WWOX: variants seen among roughly 807,000 people sequenced by gnomAD.
WWOX encodes WW domain containing oxidoreductase, also known as WW domain-containing oxidoreductase.
In WWOX, 69 loss-of-function variants were observed where a neutral mutation model predicts 46.2. That is an observed-to-expected ratio of 1.49 (90% confidence interval 1.23 to 1.82). The LOEUF (loss-of-function observed/expected upper bound fraction) is 1.82. Ranked by LOEUF, WWOX falls within the 40% of genes most tolerant of loss-of-function variation. The pLI, the probability that WWOX is intolerant of heterozygous loss-of-function variation, is 0.00. For synonymous variants in WWOX, 359 were observed against 202.6 expected, an observed-to-expected ratio of 1.77 and a Z score of -6.56; for missense variants, 919 against 542.6, an observed-to-expected ratio of 1.69 and a Z score of -6.89.
At chr16:78,556,721 A>G (rs2151551238) in intron 8 of WWOX, among the ~76,000 whole-genome samples, 1 of 151,870 alleles carries the variant, frequency 6.6e-6, no homozygotes, top group African/African-American at 2.4e-5. Context: ...TATTTATTTT[A>G]TTTTTATTTT....
At chr16:79,210,739 T>C (rs2051704178) in intron 8 of WWOX, among the ~76,000 whole-genome samples, 1 of 152,158 alleles carries the variant, frequency 6.6e-6, no homozygotes, top group Non-Finnish European at 1.5e-5. Flanking sequence ...GCAAAGTGAT[T>C]TCTTGCCCTC....
chr16:78,610,977 AAACAAC>A (rs879868890), intron 8 of WWOX, among the ~76,000 whole-genome samples: 3 of 152,142 alleles, frequency 2.0e-5, no homozygotes, highest in African/African-American at 7.2e-5. Context: ...AAAACAACAA[AAACAAC>A]AACAACAACA....
At chr16:78,995,503 C>G (rs1471265008) in intron 8 of WWOX, among the ~76,000 whole-genome samples, 1 of 151,824 alleles carries the variant, frequency 6.6e-6, no homozygotes, top group Non-Finnish European at 1.5e-5. Flanking sequence ...TTATGGAACC[C>G]AAGCTGGAAC....
intron 8 of WWOX, among the ~76,000 whole-genome samples, chr16:78,585,634 C>T (rs76097573): frequency 0.018 from 2,724 of 152,040 alleles, 80 homozygotes; most frequent in African/African-American, 0.061. Flanking sequence ...CAGCACAATC[C>T]GTTTGTTGTT....
At chr16:79,197,564 T>C (rs139146264) in intron 8 of WWOX, among the ~76,000 whole-genome samples, 168 of 152,262 alleles carry the variant, frequency 1.1e-3, no homozygotes, top group African/African-American at 4.0e-3. Flanking sequence ...AAGCAATTCA[T>C]GGGAAAGTAA....
At chr16:79,034,360 A>C (rs940971567) in intron 8 of WWOX, among the ~76,000 whole-genome samples, 3 of 152,230 alleles carry the variant, frequency 2.0e-5, no homozygotes, top group African/African-American at 7.2e-5. Context: ...ATAGGATTAC[A>C]TAAATAATGA....
At chr16:78,737,842 T>G (rs1298163768) in intron 8 of WWOX, among the ~76,000 whole-genome samples, 1 of 152,050 alleles carries the variant, frequency 6.6e-6, no homozygotes, top group East Asian at 1.9e-4. Flanking sequence ...GTGTCCTGGG[T>G]GGTTTGTCCT....
intron 8 of WWOX, among the ~76,000 whole-genome samples, chr16:78,440,305 C>G (rs1265612088): frequency 1.3e-5 from 2 of 152,194 alleles, no homozygotes; most frequent in Non-Finnish European, 2.9e-5. Flanking sequence ...CAAGCCACTT[C>G]TGGCTCCATG....
chr16:78,509,221 C>T (rs2085295658), intron 8 of WWOX, among the ~76,000 whole-genome samples: 1 of 152,124 alleles, frequency 6.6e-6, no homozygotes, highest in Non-Finnish European at 1.5e-5. Flanking sequence ...GGCAGATCAC[C>T]TGAGGTCAGA....
At chr16:78,829,829 T>C (rs1431170674) in intron 8 of WWOX, among the ~76,000 whole-genome samples, 3 of 152,208 alleles carry the variant, frequency 2.0e-5, no homozygotes, top group African/African-American at 7.2e-5. Flanking sequence ...TCCTCCCTCC[T>C]GCTAGCATTT....
intron 8 of WWOX, among the ~76,000 whole-genome samples, chr16:78,928,175 TGG>T (rs1567655306): frequency 6.6e-6 from 1 of 151,886 alleles, no homozygotes; most frequent in Non-Finnish European, 1.5e-5. Flanking sequence ...ATAAAGTGTT[TGG>T]AACTATGCTT....
intron 8 of WWOX, among the ~76,000 whole-genome samples, chr16:78,834,111 G>C (rs1039290378): frequency 6.6e-6 from 1 of 152,224 alleles, no homozygotes; most frequent in African/African-American, 2.4e-5. Flanking sequence ...GAACTGAGCA[G>C]TATGGAGCCT....
intron 8 of WWOX, among the ~76,000 whole-genome samples, chr16:79,026,300 T>C (rs2047640573): frequency 6.6e-6 from 1 of 151,698 alleles, no homozygotes; most frequent in Non-Finnish European, 1.5e-5. Flanking sequence ...CCACAGGGCC[T>C]TTGCACATCC....
intron 8 of WWOX, among the ~76,000 whole-genome samples, chr16:79,119,000 G>T (rs2049574012): frequency 6.6e-6 from 1 of 152,160 alleles, no homozygotes; most frequent in Admixed American, 6.5e-5. Flanking sequence ...GCATAAAGCA[G>T]TTTCTATAGT....
chr16:78,974,215 G>C (rs906957625), intron 8 of WWOX, among the ~76,000 whole-genome samples: 1 of 152,236 alleles, frequency 6.6e-6, no homozygotes, highest in Non-Finnish European at 1.5e-5. Flanking sequence ...GTACTCTTCA[G>C]AGAACGGATT....
intron 8 of WWOX, among the ~76,000 whole-genome samples, chr16:78,855,038 C>G (rs983273566): frequency 6.6e-6 from 1 of 151,538 alleles, no homozygotes; most frequent in Admixed American, 6.6e-5. Context: ...ATAAATAAGT[C>G]AGGACTATGA....
At chr16:78,111,603 C>T (rs566176021) in intron 3 of WWOX, among the ~76,000 whole-genome samples, 1 of 152,144 alleles carries the variant, frequency 6.6e-6, no homozygotes, top group East Asian at 1.9e-4. Flanking sequence ...AGGGAACACT[C>T]TGCTCCACCA....
In WWOX at chr16:78,541,886, T is replaced by C. The variant is rs562478929; in HGVS notation, c.1056+109134T>C. Among the ~76,000 whole-genome samples the C allele has an allele frequency of 2.0e-5, 3 of 152,068 alleles. No individual in the cohort carries two copies. In the East Asian group the frequency reaches 5.8e-4, roughly 29 times the overall value. On this transcript the variant is annotated intron_variant, in intron 8 of 8. Coordinates refer to ENST00000566780, the MANE Select transcript of WWOX (RefSeq NM_016373.4). The stretch of plus-strand genomic sequence containing the variant: ...TTGTGAACATACGTTGCTTTTGTAA[T>C]ATGAAAAATAAAAAATAAAAGTTAA...
At chr16:79,077,668 A>G (rs1389321920) in intron 8 of WWOX, 1 of 145,796 alleles carries the variant, frequency 6.9e-6, no homozygotes, top group East Asian at 2.0e-4. Flanking sequence ...AAACCACAGG[A>G]TTTACATCTC....
Sources: gnomAD v4.1 joint callset for allele counts (sites outside exome capture counted in the v4.1 genomes callset) on GRCh38, gnomAD v4.1.1 for gene constraint, MANE v1.5 for transcripts, NCBI Gene and HGNC (gene_info 2026-07-23, HGNC 2026-07-21) for gene names.